Variants in OR51B5 observed in about 807,000 individuals in gnomAD.
OR51B5 encodes the protein olfactory receptor 51B5.
For missense variants in OR51B5, 456 were observed against 374.6 expected (o/e 1.22, Z -1.79); for synonymous variants, 186 against 144.8 (o/e 1.28, Z -2.04).
At chr11:5,389,783 A>C in intron 1 of OR51B5, 1 of 1,613,952 alleles carries the variant, frequency 6.2e-7, no homozygotes, top group Non-Finnish European at 8.5e-7. Flanking sequence ...AGTGCTCCTC[A>C]TGATGTCCTT....
intron 1 of OR51B5, among the ~76,000 whole-genome samples, chr11:5,378,377 T>C (rs970162708): frequency 1.3e-5 from 2 of 151,998 alleles, no homozygotes; most frequent in African/African-American, 4.8e-5. Context: ...AACGCAGGCA[T>C]TACCATTCAG....
intron 1 of OR51B5, among the ~76,000 whole-genome samples, chr11:5,491,949 C>A (rs1322584798): frequency 2.0e-5 from 3 of 152,188 alleles, no homozygotes; most frequent in Non-Finnish European, 2.9e-5. Context: ...TCCTGGACCA[C>A]TTTGAGAAAT....
intron 1 of OR51B5, among the ~76,000 whole-genome samples, chr11:5,442,001 A>C (rs1850695970): frequency 6.6e-6 from 1 of 152,044 alleles, no homozygotes; most frequent in African/African-American, 2.4e-5. Flanking sequence ...GAAATCCTAA[A>C]TTTACTGTTT....
At chr11:5,407,177 A>T (rs1029142024) in intron 1 of OR51B5, among the ~76,000 whole-genome samples, 1 of 152,106 alleles carries the variant, frequency 6.6e-6, no homozygotes, top group Non-Finnish European at 1.5e-5. Context: ...AGGGTACAGG[A>T]TATATTCATT....
chr11:5,467,185 C>T (rs1339978178), intron 1 of OR51B5, among the ~76,000 whole-genome samples: 2 of 152,118 alleles, frequency 1.3e-5, no homozygotes, highest in Admixed American at 1.3e-4. Flanking sequence ...CAGATTTTTG[C>T]TTAGTATACA....
intron 1 of OR51B5, among the ~76,000 whole-genome samples, chr11:5,363,523 A>G (rs1411405618): frequency 6.6e-6 from 1 of 152,048 alleles, no homozygotes; most frequent in Non-Finnish European, 1.5e-5. Flanking sequence ...ACTCAGCTCC[A>G]TGAGGTACAC....
intron 1 of OR51B5, chr11:5,390,234 A>G (rs1849774529): frequency 1.2e-6 from 2 of 1,613,932 alleles, no homozygotes; most frequent in Non-Finnish European, 1.7e-6. Flanking sequence ...TTTGGGAAGC[A>G]TGCCCCACCT....
At chr11:5,437,262 A>G (rs1055414940) in intron 1 of OR51B5, among the ~76,000 whole-genome samples, 2 of 152,140 alleles carry the variant, frequency 1.3e-5, no homozygotes, top group East Asian at 3.8e-4. Context: ...CTCAGAACCC[A>G]CAGTCTAGAT....
chr11:5,431,793 C>T (rs184012159), intron 1 of OR51B5, among the ~76,000 whole-genome samples: 1 of 152,334 alleles, frequency 6.6e-6, no homozygotes, highest in African/African-American at 2.4e-5. Context: ...TTCTCTCCTC[C>T]TGTTCTCCTG....
chr11:5,428,484 A>C (rs1184981353), intron 1 of OR51B5, among the ~76,000 whole-genome samples: 2 of 152,258 alleles, frequency 1.3e-5, no homozygotes, highest in African/African-American at 2.4e-5. Context: ...ACAAACCTTC[A>C]ATTTGTAAAA....
intron 1 of OR51B5, among the ~76,000 whole-genome samples, chr11:5,433,494 T>A (rs1275217796): frequency 6.6e-6 from 1 of 152,228 alleles, no homozygotes; most frequent in African/African-American, 2.4e-5. Context: ...CTTTATCCTC[T>A]GGTTACCCAG....
chr11:5,368,798 G>C (rs369292557), intron 1 of OR51B5, among the ~76,000 whole-genome samples: 27 of 152,256 alleles, frequency 1.8e-4, no homozygotes, highest in African/African-American at 6.3e-4. Flanking sequence ...GAAAGCTTAC[G>C]ATGGCTTTTC....
chr11:5,343,393 A>G (rs957861990), exon 1 of OR51B5: 10 of 1,614,016 alleles, frequency 6.2e-6, no homozygotes, highest in Non-Finnish European at 8.5e-6. Flanking sequence ...TAATGAGAAG[A>G]AGGAGGGTGC....
chr11:5,463,521 G>A (rs1851090334), intron 1 of OR51B5, among the ~76,000 whole-genome samples: 2 of 152,180 alleles, frequency 1.3e-5, no homozygotes, highest in Non-Finnish European at 2.9e-5. Flanking sequence ...CTTCCTAGCA[G>A]AGATATTTCG....
At chr11:5,489,879 G>A (rs1851557748) in intron 1 of OR51B5, 6 of 518,816 alleles carry the variant, frequency 1.2e-5, no homozygotes, top group East Asian at 6.0e-5. Context: ...CCCCAGAAAG[G>A]TGATAATATT....
At chr11:5,439,762 C>A (rs1381565822) in intron 1 of OR51B5, among the ~76,000 whole-genome samples, 5 of 152,130 alleles carry the variant, frequency 3.3e-5, no homozygotes, top group African/African-American at 1.2e-4. Flanking sequence ...AGCAGATGGG[C>A]ATCAATCTAA....
At chr11:5,441,435 G>A (rs1850688273) in intron 1 of OR51B5, 1 of 1,613,900 alleles carries the variant, frequency 6.2e-7, no homozygotes, top group Non-Finnish European at 8.5e-7. Flanking sequence ...GGCAACCCAG[G>A]TGAGGCCTGT....
rs563144689 is a variant in OR51B5, at chr11:5,367,318, G to A, written n.85-20408C>T. Among the ~76,000 whole-genome samples, 287 of 152,300 alleles carry A rather than the reference G, an allele frequency of 1.9e-3. 3 individuals carry two copies. The highest frequency in any genetic ancestry group is 6.6e-3 in the African/African-American group (273 of 41,572). ...GGCAAATCCATACAGAAAAGTGAAA[G>A]CAAGTTAATTAAGAAAGTAAAGGAG... On this transcript the variant is annotated intron_variant and non_coding_transcript_variant, in intron 1 of 4. Coordinates refer to the OR51B5 transcript ENST00000415970.
intron 1 of OR51B5, among the ~76,000 whole-genome samples, chr11:5,476,986 G>A (rs973306525): frequency 2.0e-5 from 3 of 152,156 alleles, no homozygotes; most frequent in African/African-American, 7.2e-5. Context: ...AAGATCTACT[G>A]TACAAAATAA....
Sources: allele counts gnomAD v4.1 joint callset (sites outside exome capture counted in the v4.1 genomes callset), GRCh38; gene constraint gnomAD v4.1.1; transcripts MANE v1.5; gene names NCBI Gene and HGNC (gene_info 2026-07-23, HGNC 2026-07-21).